PEBP4: variants seen among roughly 807,000 people sequenced by gnomAD.
The protein encoded by PEBP4 is phosphatidylethanolamine-binding protein 4.
A neutral mutation model predicts 23.9 loss-of-function variants in PEBP4; 22 were observed. The observed-to-expected ratio is 0.92, with a 90% CI of 0.66 to 1.31. The LOEUF (loss-of-function observed/expected upper bound fraction) is 1.31. Ranked by LOEUF, PEBP4 falls within the 40% of genes most tolerant of loss-of-function variation. PEBP4 has a pLI of 0.00. For missense variants in PEBP4, 324 were observed against 281.7 expected, an observed-to-expected ratio of 1.15 and a Z score of -1.07; for synonymous variants, 112 against 99.3, an observed-to-expected ratio of 1.13 and a Z score of -0.76.
chr8:22,773,838 C>A (rs1301817391), intron 4 of PEBP4, among the ~76,000 whole-genome samples: 2 of 152,116 alleles, frequency 1.3e-5, no homozygotes, highest in African/African-American at 4.8e-5. Context: ...CCTCCTCCAC[C>A]CTTTTCCATC....
intron 3 of PEBP4, among the ~76,000 whole-genome samples, chr8:22,836,528 T>C (rs1281242902): frequency 6.6e-6 from 1 of 152,256 alleles, no homozygotes. Context: ...GCCACTGTGC[T>C]GCCCAGTCCT....
intron 3 of PEBP4, among the ~76,000 whole-genome samples, chr8:22,898,391 C>CAAAA (rs536993520): frequency 0.04 from 315 of 7,942 alleles, 102 homozygotes; most frequent in African/African-American, 0.051. Context: ...GACTCCACCC[C>CAAAA]AAAAAAAAAA....
chr8:22,717,154 C>T (rs560887317), intron 6 of PEBP4, among the ~76,000 whole-genome samples: 2 of 152,276 alleles, frequency 1.3e-5, no homozygotes, highest in East Asian at 3.9e-4. Context: ...CTTGCCTCAG[C>T]CTCCTGAGTA....
intron 4 of PEBP4, among the ~76,000 whole-genome samples, chr8:22,743,394 C>A (rs140964275): frequency 2.6e-5 from 4 of 152,220 alleles, no homozygotes; most frequent in Non-Finnish European, 5.9e-5. Flanking sequence ...TAATGAATAT[C>A]TGTGTACTCA....
intron 4 of PEBP4, among the ~76,000 whole-genome samples, chr8:22,797,204 G>A (rs1244618223): frequency 7.6e-5 from 11 of 144,438 alleles, no homozygotes; most frequent in Non-Finnish European, 1.4e-4. Context: ...GGTGAGCTGA[G>A]ATTGCGCCAT....
At chr8:22,821,691 A>G (rs571340638) in intron 3 of PEBP4, among the ~76,000 whole-genome samples, 1 of 152,238 alleles carries the variant, frequency 6.6e-6, no homozygotes, top group African/African-American at 2.4e-5. Flanking sequence ...GAAGGGAGAA[A>G]GAGGCTGAGG....
rs376723758 is a variant in PEBP4 at position 22,934,318 on chromosome 8, G to A, written c.145-6598C>T. Among the ~76,000 whole-genome samples, 70 of 152,276 alleles carry A rather than the reference G, an allele frequency of 4.6e-4. 3 individuals are homozygous for A. In the South Asian group the frequency reaches 0.013, roughly 28 times the overall value. ...ATCGGTAACACAAAATGGGGGGCAC[G>A]GAGCTGTATAAGTAAAATGTTTGTA... On this transcript the variant is annotated intron_variant, in intron 1 of 1. Coordinates refer to the PEBP4 transcript ENST00000522278.
chr8:22,742,274 C>T (rs1805012165), intron 4 of PEBP4, among the ~76,000 whole-genome samples: 1 of 152,232 alleles, frequency 6.6e-6, no homozygotes, highest in African/African-American at 2.4e-5. Context: ...ATTAATCTGC[C>T]AGCTCTTGCG....
chr8:22,721,677 C>T (rs1389175985), intron 6 of PEBP4, among the ~76,000 whole-genome samples: 1 of 152,232 alleles, frequency 6.6e-6, no homozygotes, highest in East Asian at 1.9e-4. Flanking sequence ...CCAGGGGACA[C>T]AAGCAGCTGG....
intron 4 of PEBP4, among the ~76,000 whole-genome samples, chr8:22,795,820 C>A (rs1277290061): frequency 6.6e-6 from 1 of 152,064 alleles, no homozygotes; most frequent in African/African-American, 2.4e-5. Flanking sequence ...ATATTTTATG[C>A]CACTTGTTAG....
chr8:22,899,051 C>A (rs1163758617), intron 3 of PEBP4, among the ~76,000 whole-genome samples: 1 of 152,198 alleles, frequency 6.6e-6, no homozygotes, highest in Non-Finnish European at 1.5e-5. Flanking sequence ...TCATTCACAG[C>A]CTCTGAAGCT....
chr8:22,918,939 A>ACACATGTGCC (rs1324050212), intron 3 of PEBP4, among the ~76,000 whole-genome samples: 1 of 151,632 alleles, frequency 6.6e-6, no homozygotes, highest in East Asian at 1.9e-4. Flanking sequence ...GCACATGTGC[A>ACACATGTGCC]CACATGTGCA....
chr8:22,713,432 C>A lies in PEBP4; in HGVS notation c.622G>T (p.Ala208Ser), dbSNP rs1804349068. 1 of 1,613,222 alleles carries A rather than the reference C, an allele frequency of 6.2e-7. No homozygotes were observed. Among genetic ancestry groups the A allele is most frequent in the South Asian group, 1.1e-5 (1 of 91,040 alleles). Residue 208 changes from alanine (A) to serine (S), a missense_variant, in exon 7 of 7, where the codon GCT becomes TCT. By Grantham distance (99) the Ala-to-Ser change is moderately conservative. Transcript: ENST00000256404. ...QNYQDSPTLQAPRERASEPKH... is the reference protein window; with the variant it reads ...QNYQDSPTLQSPRERASEPKH... ...GGCTCGCTGGCCCTTTCTCTGGGAG[C>A]CTGGAGGGTTGGTGAGTCCTGGTAG...
chr8:22,925,820 G>T (rs1487164208), intron 2 of PEBP4, among the ~76,000 whole-genome samples: 1 of 152,168 alleles, frequency 6.6e-6, no homozygotes, highest in Non-Finnish European at 1.5e-5. Context: ...TTACGGGGGT[G>T]TTGACCTTGC....
intron 3 of PEBP4, among the ~76,000 whole-genome samples, chr8:22,835,711 T>G (rs922383089): frequency 3.3e-5 from 5 of 152,308 alleles, no homozygotes; most frequent in African/African-American, 1.2e-4. Flanking sequence ...ACAGCTTAGG[T>G]TGTTAGAAAG....
intron 3 of PEBP4, among the ~76,000 whole-genome samples, chr8:22,919,211 G>A (rs189112661): frequency 4.3e-4 from 65 of 152,176 alleles, no homozygotes; most frequent in African/African-American, 1.5e-3. Flanking sequence ...GCAGCACTGA[G>A]GGGAAGGAAG....
At chr8:22,727,309 G>A in intron 4 of PEBP4, 89 bp from the exon 5 acceptor site, 1 of 1,285,958 alleles carries the variant, frequency 7.8e-7, no homozygotes, top group Non-Finnish European at 1.1e-6. Context: ...TCTCTCTGCA[G>A]GAGGAGGATG....
At chr8:22,926,595 C>T (rs1809340060) in intron 2 of PEBP4, among the ~76,000 whole-genome samples, 1 of 152,182 alleles carries the variant, frequency 6.6e-6, no homozygotes, top group South Asian at 2.1e-4. Flanking sequence ...GATCCTCCAC[C>T]TTGGCCTCCC....
At chr8:22,837,065 G>A (rs779911876) in intron 3 of PEBP4, among the ~76,000 whole-genome samples, 2 of 152,108 alleles carry the variant, frequency 1.3e-5, no homozygotes, top group African/African-American at 2.4e-5. Flanking sequence ...TTCAAAGTAT[G>A]AATCATCTTT....
Sources: gnomAD v4.1 joint callset for allele counts (sites outside exome capture counted in the v4.1 genomes callset) on GRCh38, gnomAD v4.1.1 for gene constraint, MANE v1.5 for transcripts, NCBI Gene and HGNC (gene_info 2026-07-23, HGNC 2026-07-21) for gene names.